The following MYH11 variants were observed in gnomAD, a reference collection of about 807,000 sequenced individuals.
The protein encoded by MYH11 is myosin-11.
In MYH11, 80 loss-of-function variants were observed where a neutral mutation model predicts 246.6. The ratio of observed to expected loss-of-function variants is 0.32; its 90% confidence interval spans 0.27 to 0.39. The LOEUF (loss-of-function observed/expected upper bound fraction) is 0.39, where lower values mean the gene tolerates loss of function less well. Among genes scored for constraint, MYH11 ranks in the 10% least tolerant of loss-of-function variants. The pLI is 1.00. For missense variants in MYH11, 2,158 were observed against 2,546.8 expected (o/e 0.85, Z 3.29); for synonymous variants, 1,071 against 1,015.5 (o/e 1.05, Z -1.04).
chr16:15,758,692 C>T (rs574318402), intron 12 of MYH11, among the ~76,000 whole-genome samples: 31 of 151,438 alleles, frequency 2.0e-4, no homozygotes, highest in Non-Finnish European at 3.4e-4. Flanking sequence ...CCCAGCTACT[C>T]GAGAGGCTGA....
chr16:15,768,007 G>A (rs2042021810), intron 9 of MYH11, among the ~76,000 whole-genome samples: 1 of 151,896 alleles, frequency 6.6e-6, no homozygotes, highest in Non-Finnish European at 1.5e-5. Flanking sequence ...TGAACTCCTG[G>A]CCTCAAACGA....
chr16:15,725,134 T>TAAAAA, intron 28 of MYH11, 142 bp from the exon 29 acceptor site: 7 of 540,910 alleles, frequency 1.3e-5, no homozygotes, highest in African/African-American at 2.1e-5. Context: ...GGGACTCTGA[T>TAAAAA]AAAAAAAAAA....
intron 25 of MYH11, among the ~76,000 whole-genome samples, chr16:15,736,794 C>T (rs925348928): frequency 3.9e-5 from 6 of 152,126 alleles, no homozygotes; most frequent in African/African-American, 7.2e-5. Flanking sequence ...TCAAAGACAC[C>T]GGCAGTACAC....
intron 10 of MYH11, 55 bp downstream of exon 10, chr16:15,763,741 T>TCGGGGGGCCCCCCCC: frequency 1.5e-6 from 1 of 646,854 alleles, no homozygotes; most frequent in Admixed American, 2.1e-5. Flanking sequence ...AAATGTCACC[T>TCGGGGGGCCCCCCCC]CCCCCACCCC....
At chr16:15,707,840 C>T (rs373818102) in intron 40 of MYH11, among the ~76,000 whole-genome samples, 37 of 151,708 alleles carry the variant, frequency 2.4e-4, no homozygotes, top group African/African-American at 8.7e-4. Flanking sequence ...GGCGAGGTGG[C>T]GGGAGCCTGT....
chr16:15,852,835 T>G (rs972642017), intron 1 of MYH11, among the ~76,000 whole-genome samples: 1 of 152,182 alleles, frequency 6.6e-6, no homozygotes, highest in Admixed American at 6.6e-5. Flanking sequence ...GAAAGGTAAA[T>G]GCAAGGCCCT....
chr16:15,795,267 T>G (rs2042716928), intron 4 of MYH11, among the ~76,000 whole-genome samples: 1 of 150,558 alleles, frequency 6.6e-6, no homozygotes, highest in South Asian at 2.1e-4. Context: ...CACTCCAGCC[T>G]GGGCAACAGA....
At chr16:15,793,895 T>G (rs867080762) in intron 4 of MYH11, among the ~76,000 whole-genome samples, 14 of 146,038 alleles carry the variant, frequency 9.6e-5, no homozygotes, top group Admixed American at 1.4e-4. Context: ...AGTGCTGGGA[T>G]TACAGGCGTG....
At chr16:15,856,355 T>G (rs1205556562) in intron 1 of MYH11, among the ~76,000 whole-genome samples, 1 of 143,126 alleles carries the variant, frequency 7.0e-6, no homozygotes. Flanking sequence ...ACAACAACAC[T>G]CCTTTCTGCT....
chr16:15,841,100 G>T (rs9925218), intron 1 of MYH11, among the ~76,000 whole-genome samples: 3,437 of 152,198 alleles, frequency 0.023, 135 homozygotes, highest in African/African-American at 0.076. Flanking sequence ...CAAAAAGGGT[G>T]GAAAGACAAA....
chr16:15,800,660 G>T (rs1012089325), intron 3 of MYH11, among the ~76,000 whole-genome samples: 2 of 151,702 alleles, frequency 1.3e-5, no homozygotes, highest in African/African-American at 4.8e-5. Flanking sequence ...TGAATGGGAG[G>T]ATGGATGGGA....
At chr16:15,777,103 A>T (rs2042239366) in intron 7 of MYH11, among the ~76,000 whole-genome samples, 1 of 150,164 alleles carries the variant, frequency 6.7e-6, no homozygotes, top group Non-Finnish European at 1.5e-5. Context: ...ACACGCACAC[A>T]TACACACACA....
chr16:15,721,124 C>G, intron 32 of MYH11, 73 bp from the exon 33 acceptor site: 1 of 1,529,718 alleles, frequency 6.5e-7, no homozygotes, highest in Non-Finnish European at 9.0e-7. Flanking sequence ...CCACCGTGAG[C>G]GGCACCTCAG....
At chr16:15,760,760 C>A (rs959714444) in intron 10 of MYH11, 102 bp from the exon 11 acceptor site, 7 of 880,806 alleles carry the variant, frequency 7.9e-6, no homozygotes, top group South Asian at 2.6e-5. Context: ...ACAGCGGGTT[C>A]TCTTGGGGAA....
Position 15,715,068 on chromosome 16 carries a change from T to C in MYH11, c.5627A>G (p.Asn1876Ser), listed in dbSNP as rs373369803. ...EQYKEQAEKG[N>S]ARVKQLKRQL... ...CCTCTTGAGCTGCTTGACCCTGGCA[T>C]TGCCTTTCTCTGCCTGTCGCGGAGA... The change falls in exon 40 of 41, where the codon AAT (asparagine) becomes AGT (serine). Residue 1876 changes from asparagine to serine, a missense_variant. Around this residue, in one of 11 missense-constraint regions of MYH11, gnomAD observed 1,013 missense variants for 993.5 expected, o/e 1.02. Coordinates refer to ENST00000300036, the MANE Select transcript of MYH11 (RefSeq NM_002474.3). The C allele has an allele frequency of 1.1e-5, 18 of 1,613,184 alleles. No homozygotes were observed. Among genetic ancestry groups the C allele is most frequent in the Non-Finnish European group, 1.4e-5 (17 of 1,179,998 alleles).
chr16:15,819,485 G>A (rs1381475179), intron 3 of MYH11, among the ~76,000 whole-genome samples: 1 of 152,102 alleles, frequency 6.6e-6, no homozygotes, highest in Non-Finnish European at 1.5e-5. Flanking sequence ...GGCGGCATTA[G>A]ACTCTTATAG....
chr16:15,732,669 G>A lies in MYH11; in HGVS notation c.3546C>T (p.Ala1182=), dbSNP rs763802657. The change falls in exon 27 of 41, where the codon GCC becomes GCT. Residue 1182 remains alanine, a synonymous_variant. Coordinates refer to ENST00000300036, the MANE Select transcript of MYH11 (RefSeq NM_002474.3). ...CATGGGACCGCGTCTCTTCATCCAG[G>A]GCCTTCTTCAGCACCGTCACCTCCT... ...REQEVTVLKK[A]LDEETRSHEA... 1 of 1,614,188 alleles carries A rather than the reference G, an allele frequency of 6.2e-7. No individual in the cohort carries two copies. The highest frequency in any genetic ancestry group is 1.7e-5 in the Admixed American group (1 of 60,030).
intron 9 of MYH11, among the ~76,000 whole-genome samples, chr16:15,771,108 C>T (rs972301443): frequency 6.6e-6 from 1 of 152,030 alleles, no homozygotes; most frequent in Non-Finnish European, 1.5e-5. Flanking sequence ...AATCCTCCCA[C>T]CTCAGCCTCC....
In MYH11 at chr16:15,703,197, C is replaced by A. The variant is rs1382089181; in HGVS notation, c.*794G>T. 1 of 204,936 alleles carries A rather than the reference C, an allele frequency of 4.9e-6. No individual in the cohort carries two copies. Among genetic ancestry groups the A allele is most frequent in the African/African-American group, 2.3e-5 (1 of 43,734 alleles). The allele number at this position is 204,936 out of a possible 1,614,324, so 12.7% of individuals were successfully genotyped here. A position where few individuals can be genotyped will look rare whatever the true frequency, so the allele number is the denominator to read the frequency against. On this transcript the variant is annotated 3_prime_UTR_variant, in exon 41 of 41. Transcript: ENST00000300036. ...AAGCACAGTCAGGGTGTAAACAGTG[C>A]AGCATTCCTGCTCCCCTCCGTGGGA...
Sources: gnomAD v4.1 joint callset for allele counts (sites outside exome capture counted in the v4.1 genomes callset) on GRCh38, gnomAD v4.1.1 for gene constraint, gnomAD v4.1.1 regional missense constraint, MANE v1.5 for transcripts, NCBI Gene and HGNC (gene_info 2026-07-23, HGNC 2026-07-21) for gene names.